PHF14: variants seen among roughly 807,000 people sequenced by gnomAD.
The protein encoded by PHF14 is PHD finger protein 14.
Under a neutral mutation model 117.9 loss-of-function variants are expected in PHF14, and 55 were observed. That is an observed-to-expected ratio of 0.47 (90% CI 0.38 to 0.58). PHF14 has a LOEUF of 0.58. Among genes scored for constraint, PHF14 ranks in the 20% least tolerant of loss-of-function variants. The pLI is 0.00. For synonymous variants in PHF14, 409 were observed against 368.6 expected, an observed-to-expected ratio of 1.11 and a Z score of -1.26; for missense variants, 978 against 1,122.2, an observed-to-expected ratio of 0.87 and a Z score of 1.84.
At chr7:11,103,412 C>T (rs894748327) in intron 16 of PHF14, 3 of 981,148 alleles carry the variant, frequency 3.1e-6, no homozygotes, top group Non-Finnish European at 3.6e-6. Context: ...TACAACCTAC[C>T]AGCTGAAAGA....
chr7:11,064,761 G>T (rs1337420936), intron 16 of PHF14, among the ~76,000 whole-genome samples: 1 of 151,946 alleles, frequency 6.6e-6, no homozygotes, highest in Non-Finnish European at 1.5e-5. Context: ...AGTTTCAACT[G>T]TTATTTTCTG....
At chr7:11,036,828 G>A in intron 9 of PHF14, 140 bp downstream of exon 9, 2 of 982,270 alleles carry the variant, frequency 2.0e-6, no homozygotes, top group South Asian at 3.5e-5. Flanking sequence ...CTAATATGTT[G>A]TGGGTTTTTA....
intron 17 of PHF14, among the ~76,000 whole-genome samples, chr7:11,162,072 C>CTTTTTTTTTTTTTTTTTTTTTTT (rs564998009): frequency 1.4e-5 from 1 of 70,276 alleles, no homozygotes; most frequent in African/African-American, 4.1e-5. Flanking sequence ...AAAAATATGT[C>CTTTTTTTTTTTTTTTTTTTTTTT]TTTTTTTTTT....
intron 16 of PHF14, among the ~76,000 whole-genome samples, chr7:11,086,988 C>T (rs777892095): frequency 6.6e-5 from 10 of 151,986 alleles, no homozygotes; most frequent in South Asian, 2.1e-4. Flanking sequence ...CTAATTTTTA[C>T]GTGGGGTAAT....
At chr7:10,992,346 G>T (rs1265736609) in intron 4 of PHF14, among the ~76,000 whole-genome samples, 1 of 151,256 alleles carries the variant, frequency 6.6e-6, no homozygotes, top group Non-Finnish European at 1.5e-5. Context: ...GAGCCACCGT[G>T]CCTGGCTGAC....
At chr7:11,034,450 G>C (rs1784238711) in intron 7 of PHF14, among the ~76,000 whole-genome samples, 1 of 150,992 alleles carries the variant, frequency 6.6e-6, no homozygotes, top group South Asian at 2.1e-4. Flanking sequence ...GGCTATGAGA[G>C]AGCTGTAATT....
intron 17 of PHF14, among the ~76,000 whole-genome samples, chr7:11,169,162 C>T (rs1465711783): frequency 6.6e-6 from 1 of 152,066 alleles, no homozygotes; most frequent in Non-Finnish European, 1.5e-5. Context: ...TTTTCAGTGG[C>T]AGGTGTTTCC....
At chr7:11,125,813 G>T (rs536163167) in intron 17 of PHF14, among the ~76,000 whole-genome samples, 13 of 151,870 alleles carry the variant, frequency 8.6e-5, no homozygotes, top group Non-Finnish European at 1.9e-4. Flanking sequence ...TTCTCTGAAG[G>T]TTTCTTAAAG....
intron 17 of PHF14, among the ~76,000 whole-genome samples, chr7:11,133,004 A>C (rs1174326979): frequency 1.3e-5 from 2 of 151,946 alleles, no homozygotes; most frequent in Non-Finnish European, 2.9e-5. Flanking sequence ...CTAACAAAAT[A>C]TACACAAAAC....
At chr7:10,999,670 A>T (rs986683479) in intron 4 of PHF14, among the ~76,000 whole-genome samples, 1 of 152,228 alleles carries the variant, frequency 6.6e-6, no homozygotes, top group Admixed American at 6.5e-5. Context: ...TTGAAAGTTC[A>T]TAATACGACC....
At chr7:10,981,813 TG>T (rs1782052491) in intron 2 of PHF14, among the ~76,000 whole-genome samples, 3 of 152,216 alleles carry the variant, frequency 2.0e-5, no homozygotes, top group South Asian at 4.1e-4. Flanking sequence ...TCCTAAAATT[TG>T]TTTGGTATAT....
intron 4 of PHF14, among the ~76,000 whole-genome samples, chr7:11,008,880 A>G (rs1253382079): frequency 6.6e-6 from 1 of 151,598 alleles, no homozygotes; most frequent in Admixed American, 6.6e-5. Context: ...CTAAAAATAC[A>G]AAAAAATTAG....
At chr7:11,108,986 G>T (rs1787357768) in intron 16 of PHF14, 1 of 151,682 alleles carries the variant, frequency 6.6e-6, no homozygotes, top group African/African-American at 2.4e-5. Context: ...ACTTCATCAA[G>T]AACTTTGATT....
intron 10 of PHF14, 37 bp downstream of exon 10, chr7:11,037,128 G>C: frequency 7.0e-7 from 1 of 1,429,306 alleles, no homozygotes; most frequent in South Asian, 1.4e-5. Flanking sequence ...TAATGTGATA[G>C]ATCTTACTGA....
intron 14 of PHF14, among the ~76,000 whole-genome samples, chr7:11,052,525 A>C (rs1411068804): frequency 6.6e-6 from 1 of 151,226 alleles, no homozygotes; most frequent in Admixed American, 6.6e-5. Flanking sequence ...TAAGTTACAG[A>C]CTATCTGCAT....
chr7:10,998,404 CAT>C (rs1186931545), intron 4 of PHF14, among the ~76,000 whole-genome samples: 6 of 151,938 alleles, frequency 3.9e-5, no homozygotes, highest in African/African-American at 9.7e-5. Flanking sequence ...AATAAGGAAA[CAT>C]ATACCTAAAA....
chr7:11,116,722 C>T (rs755749294), intron 17 of PHF14, among the ~76,000 whole-genome samples: 1 of 151,852 alleles, frequency 6.6e-6, no homozygotes. Context: ...GTATTTTTTA[C>T]AAGTTCCACA....
intron 13 of PHF14, among the ~76,000 whole-genome samples, chr7:11,043,046 G>C (rs1784550107): frequency 6.6e-6 from 1 of 151,922 alleles, no homozygotes; most frequent in African/African-American, 2.4e-5. Flanking sequence ...TTTAAGGCAT[G>C]AATTCTGTCC....
At chr7:11,047,292 T>C (rs555183874) in intron 13 of PHF14, among the ~76,000 whole-genome samples, 1 of 151,974 alleles carries the variant, frequency 6.6e-6, no homozygotes, top group South Asian at 2.1e-4. Context: ...ATGGTCTCGA[T>C]CTCCTGACCT....
Sources: allele counts gnomAD v4.1 joint callset (sites outside exome capture counted in the v4.1 genomes callset), GRCh38; gene constraint gnomAD v4.1.1; transcripts MANE v1.5; gene names NCBI Gene and HGNC (gene_info 2026-07-23, HGNC 2026-07-21).